The following SYT16 variants were observed in gnomAD, a reference collection of about 807,000 sequenced individuals.
SYT16 encodes the protein synaptotagmin 16.
Under a neutral mutation model 61.4 loss-of-function variants are expected in SYT16, and 42 were observed. The observed-to-expected ratio is 0.68, with a 90% confidence interval of 0.53 to 0.89. The LOEUF is 0.89. Among genes scored for constraint, SYT16 ranks in the 40% least tolerant of loss-of-function variants. The pLI is 0.00. For missense variants in SYT16, 804 were observed against 807.3 expected, an observed-to-expected ratio of 1.00 and a Z score of 0.05; for synonymous variants, 314 against 302.3, an observed-to-expected ratio of 1.04 and a Z score of -0.40.
intron 2 of SYT16, among the ~76,000 whole-genome samples, chr14:61,989,994 T>G (rs1264876467): frequency 1.3e-5 from 2 of 152,158 alleles, no homozygotes; most frequent in African/African-American, 2.4e-5. Flanking sequence ...CTTTTTATAT[T>G]TGTTGAGATG....
chr14:62,095,593 A>G (rs1279850049), intron 7 of SYT16, among the ~76,000 whole-genome samples: 1 of 151,932 alleles, frequency 6.6e-6, no homozygotes, highest in Non-Finnish European at 1.5e-5. Flanking sequence ...AACAGAAACT[A>G]TATACACACA....
chr14:61,865,271 C>G (rs143242849), intron 1 of SYT16: 7 of 816,026 alleles, frequency 8.6e-6, no homozygotes, highest in African/African-American at 1.7e-5. Flanking sequence ...GAGCATCTGT[C>G]TTTTGCCTCA....
chr14:62,010,346 AG>A (rs1435458310), intron 3 of SYT16, among the ~76,000 whole-genome samples: 1 of 152,204 alleles, frequency 6.6e-6, no homozygotes, highest in Non-Finnish European at 1.5e-5. Flanking sequence ...CTACCTTAAT[AG>A]GGTGGTCCTA....
intron 1 of SYT16, among the ~76,000 whole-genome samples, chr14:61,904,761 C>T (rs2048642608): frequency 6.6e-6 from 1 of 152,202 alleles, no homozygotes; most frequent in South Asian, 2.1e-4. Flanking sequence ...TTGACTAAGC[C>T]TTTGGCCCAC....
At chr14:62,028,985 T>A (rs945537681) in intron 3 of SYT16, among the ~76,000 whole-genome samples, 1 of 152,192 alleles carries the variant, frequency 6.6e-6, no homozygotes. Flanking sequence ...TGGGAACTAT[T>A]TCTTAATACT....
intron 3 of SYT16, among the ~76,000 whole-genome samples, chr14:62,061,836 G>GA (rs376865821): frequency 2.1e-3 from 322 of 151,634 alleles, no homozygotes; most frequent in African/African-American, 6.1e-3. Context: ...CTAGAGCAAT[G>GA]AAAAAAAACA....
chr14:62,095,672 C>T (rs2057250113), intron 7 of SYT16, among the ~76,000 whole-genome samples: 1 of 151,804 alleles, frequency 6.6e-6, no homozygotes, highest in South Asian at 2.1e-4. Context: ...GTAAAAACAA[C>T]AGTTTTTTTT....
intron 3 of SYT16, among the ~76,000 whole-genome samples, chr14:62,038,435 G>T (rs1014371159): frequency 6.6e-6 from 1 of 151,924 alleles, no homozygotes; most frequent in African/African-American, 2.4e-5. Flanking sequence ...GTTTAGAGCT[G>T]GCAGAGTGGA....
chr14:62,045,405 T>C (rs952909257), intron 3 of SYT16, among the ~76,000 whole-genome samples: 1 of 152,050 alleles, frequency 6.6e-6, no homozygotes, highest in Non-Finnish European at 1.5e-5. Context: ...CTAAATACTA[T>C]TTCTGTAATG....
chr14:62,028,705 T>G (rs2054193545), intron 3 of SYT16, among the ~76,000 whole-genome samples: 1 of 152,190 alleles, frequency 6.6e-6, no homozygotes, highest in Admixed American at 6.5e-5. Flanking sequence ...GTTACCATTC[T>G]GAGAGACCAA....
At chr14:61,971,286 G>A (rs1388291758) in intron 2 of SYT16, among the ~76,000 whole-genome samples, 1 of 152,190 alleles carries the variant, frequency 6.6e-6, no homozygotes, top group African/African-American at 2.4e-5. Context: ...AACAGTTCTT[G>A]AAGTTCAGAA....
At chr14:61,993,262 G>C (rs912292993) in intron 2 of SYT16, among the ~76,000 whole-genome samples, 4 of 151,944 alleles carry the variant, frequency 2.6e-5, no homozygotes, top group African/African-American at 9.7e-5. Flanking sequence ...GGGGCCTGTG[G>C]GGGTGTGGGG....
intron 3 of SYT16, among the ~76,000 whole-genome samples, chr14:62,048,339 T>C (rs568061151): frequency 6.6e-6 from 1 of 152,256 alleles, no homozygotes; most frequent in Non-Finnish European, 1.5e-5. Flanking sequence ...TTGTCATTTT[T>C]TATTGCATCT....
chr14:61,838,534 G>A (rs965072984), intron 1 of SYT16, among the ~76,000 whole-genome samples: 1 of 152,180 alleles, frequency 6.6e-6, no homozygotes. Flanking sequence ...AGGTGGGAAC[G>A]AGGTCTGTGT....
rs568437204 is a variant in SYT16 at position 62,026,205 on chromosome 14, G to A, written c.523+29663G>A. Reference sequence around the variant, plus strand: ...TAGCATGGATCACAATGAGTGGGGGGAATGTCTCCCATGATCCATACAATT... The same window carrying A: ...TAGCATGGATCACAATGAGTGGGGGAAATGTCTCCCATGATCCATACAATT... On this transcript the variant is annotated intron_variant, in intron 3 of 7. Transcript: ENST00000683842. Among the ~76,000 whole-genome samples, 4 of 152,262 alleles carry A rather than the reference G, an allele frequency of 2.6e-5. No homozygotes were observed. The East Asian group carries it at 7.7e-4, about 29-fold the overall frequency.
At chr14:61,832,375 C>T (rs1182452196) in intron 1 of SYT16, 14 of 552,980 alleles carry the variant, frequency 2.5e-5, no homozygotes, top group South Asian at 4.2e-5. Flanking sequence ...AACATTCTGC[C>T]GCAGCTGCCC....
intron 7 of SYT16, among the ~76,000 whole-genome samples, chr14:62,093,890 A>G (rs2057178164): frequency 6.6e-6 from 1 of 152,038 alleles, no homozygotes; most frequent in Non-Finnish European, 1.5e-5. Flanking sequence ...ACACAGCAAA[A>G]GCTTATTTCT....
intron 5 of SYT16, among the ~76,000 whole-genome samples, chr14:62,076,514 GT>G (rs778481498): frequency 6.6e-6 from 1 of 151,940 alleles, no homozygotes; most frequent in Admixed American, 6.6e-5. Context: ...GCGTGTGTAG[GT>G]AGTATCTAAG....
chr14:61,993,580 A>G (rs758530622), intron 2 of SYT16, among the ~76,000 whole-genome samples: 20 of 152,136 alleles, frequency 1.3e-4, no homozygotes, highest in Non-Finnish European at 2.6e-4. Context: ...AGCCACTGGA[A>G]TCTCAGAGAG....
Sources: gnomAD v4.1 joint callset for allele counts (sites outside exome capture counted in the v4.1 genomes callset) on GRCh38, gnomAD v4.1.1 for gene constraint, MANE v1.5 for transcripts, NCBI Gene and HGNC (gene_info 2026-07-23, HGNC 2026-07-21) for gene names.